The following CNTNAP2 variants were observed in gnomAD, a reference collection of about 807,000 sequenced individuals.
The protein encoded by CNTNAP2 is contactin-associated protein-like 2.
Under a neutral mutation model 155.2 loss-of-function variants are expected in CNTNAP2, and 98 were observed. The observed-to-expected ratio is 0.63, with a 90% confidence interval of 0.54 to 0.75. CNTNAP2 has a LOEUF of 0.75. Among genes scored for constraint, CNTNAP2 ranks in the 30% least tolerant of loss-of-function variants. The probability of loss-of-function intolerance (pLI) is 0.00; values close to 1 mark genes in which losing one functional copy is unlikely to be tolerated. For synonymous variants in CNTNAP2, 651 were observed against 631.2 expected, an observed-to-expected ratio of 1.03 and a Z score of -0.47; for missense variants, 1,727 against 1,688.1, an observed-to-expected ratio of 1.02 and a Z score of -0.40.
At chr7:147,791,411 A>G (rs773979642) in intron 13 of CNTNAP2, among the ~76,000 whole-genome samples, 10 of 146,022 alleles carry the variant, frequency 6.8e-5, no homozygotes, top group Non-Finnish European at 1.5e-4. Flanking sequence ...TGTTTGATAT[A>G]TATAGTCTTT....
intron 1 of CNTNAP2, among the ~76,000 whole-genome samples, chr7:146,735,598 GTA>G (rs1358489143): frequency 7.1e-6 from 1 of 140,602 alleles, no homozygotes; most frequent in East Asian, 1.9e-4. Flanking sequence ...ATATATAAAT[GTA>G]TATATTTAAA....
At chr7:147,034,152 G>A (rs992743132) in intron 3 of CNTNAP2, among the ~76,000 whole-genome samples, 5 of 152,092 alleles carry the variant, frequency 3.3e-5, no homozygotes, top group South Asian at 2.1e-4. Context: ...GGTAATTTCC[G>A]GGCATTGCCA....
chr7:148,038,777 G>C (rs1016983463), intron 15 of CNTNAP2, among the ~76,000 whole-genome samples: 2 of 143,600 alleles, frequency 1.4e-5, no homozygotes, highest in African/African-American at 2.5e-5. Context: ...TAATCCAACT[G>C]TTTTAGGCTT....
intron 1 of CNTNAP2, among the ~76,000 whole-genome samples, chr7:146,576,204 T>A (rs1798521606): frequency 1.3e-5 from 2 of 152,190 alleles, no homozygotes; most frequent in African/African-American, 4.8e-5. Flanking sequence ...GGTGATAAGA[T>A]TTGTTGGGTT....
At chr7:147,360,807 C>A (rs764103440) in intron 9 of CNTNAP2, among the ~76,000 whole-genome samples, 31 of 152,024 alleles carry the variant, frequency 2.0e-4, no homozygotes, top group Non-Finnish European at 2.6e-4. Context: ...ACTCCCCATC[C>A]CTAAATGAAA....
chr7:148,381,042 G>T (rs1799046459), intron 21 of CNTNAP2, among the ~76,000 whole-genome samples: 1 of 152,256 alleles, frequency 6.6e-6, no homozygotes, highest in African/African-American at 2.4e-5. Flanking sequence ...TCCACCCCTT[G>T]CAGGGGTAAG....
At chr7:146,752,195 TGC>T (rs1444676639) in intron 1 of CNTNAP2, among the ~76,000 whole-genome samples, 1 of 152,156 alleles carries the variant, frequency 6.6e-6, no homozygotes, top group Non-Finnish European at 1.5e-5. Context: ...CTTGAGGAAT[TGC>T]CACACTGTCT....
intron 4 of CNTNAP2, among the ~76,000 whole-genome samples, chr7:147,107,741 A>G (rs1463118412): frequency 6.6e-6 from 1 of 152,180 alleles, no homozygotes; most frequent in Non-Finnish European, 1.5e-5. Flanking sequence ...AACTTTTTGA[A>G]TAAAATATAT....
intron 9 of CNTNAP2, among the ~76,000 whole-genome samples, chr7:147,324,972 C>A (rs960939465): frequency 5.9e-5 from 9 of 152,130 alleles, no homozygotes; most frequent in African/African-American, 2.2e-4. Flanking sequence ...CAGCCTCTGA[C>A]TTTTTAAAAC....
chr7:147,154,803 G>C lies in CNTNAP2; in HGVS notation c.1348+22294G>C, dbSNP rs1043339007. On this transcript the variant is annotated intron_variant, in intron 8 of 23. Transcript: ENST00000361727. ...TAATCATTGAATGTTTAAAATACTTGAAGTACAGGTAAATATTTCTCTGAT... is the reference window on the plus strand; with the variant it reads ...TAATCATTGAATGTTTAAAATACTTCAAGTACAGGTAAATATTTCTCTGAT... 9.2e-5 allele frequency among the ~76,000 whole-genome samples: 14 copies of C among 151,646 alleles called. 1 individual carries two copies. Among genetic ancestry groups the C allele is most frequent in the Middle Eastern group, 6.8e-3 (2 of 294 alleles).
chr7:147,364,233 T>A (rs959429689), intron 9 of CNTNAP2, among the ~76,000 whole-genome samples: 1 of 152,238 alleles, frequency 6.6e-6, no homozygotes, highest in Admixed American at 6.5e-5. Flanking sequence ...AAATACTTGG[T>A]AATAAGTATT....
intron 9 of CNTNAP2, among the ~76,000 whole-genome samples, chr7:147,343,253 A>G (rs576175824): frequency 6.6e-6 from 1 of 152,220 alleles, no homozygotes; most frequent in Admixed American, 6.5e-5. Context: ...TTTTCAATAT[A>G]AAATATGGTT....
chr7:146,585,197 C>T (rs1798670174), intron 1 of CNTNAP2, among the ~76,000 whole-genome samples: 3 of 152,142 alleles, frequency 2.0e-5, no homozygotes, highest in Admixed American at 6.5e-5. Flanking sequence ...TCTCGGCTCA[C>T]TGCAACCTCT....
intron 1 of CNTNAP2, among the ~76,000 whole-genome samples, chr7:146,697,729 T>C (rs1800806267): frequency 6.6e-6 from 1 of 152,212 alleles, no homozygotes; most frequent in Non-Finnish European, 1.5e-5. Flanking sequence ...TTCTTGTTTT[T>C]AATCCACCGT....
chr7:146,391,437 T>C (rs543390345), intron 1 of CNTNAP2, among the ~76,000 whole-genome samples: 72 of 152,264 alleles, frequency 4.7e-4, no homozygotes, highest in African/African-American at 1.7e-3. Flanking sequence ...TGTGTGTTTT[T>C]TGTGGGTTTA....
At chr7:148,244,666 G>A (rs536891897) in intron 20 of CNTNAP2, among the ~76,000 whole-genome samples, 111 of 151,366 alleles carry the variant, frequency 7.3e-4, no homozygotes, top group Middle Eastern at 3.4e-3. Flanking sequence ...GGGCTCAAGC[G>A]ATCCTCCTGC....
At chr7:146,371,121 ATTATAATT>A (rs1795227722) in intron 1 of CNTNAP2, among the ~76,000 whole-genome samples, 1 of 151,952 alleles carries the variant, frequency 6.6e-6, no homozygotes, top group Non-Finnish European at 1.5e-5. Flanking sequence ...CATAATTATC[ATTATAATT>A]TTATAATTCT....
intron 18 of CNTNAP2, among the ~76,000 whole-genome samples, chr7:148,207,195 T>C (rs776415167): frequency 6.6e-5 from 10 of 152,252 alleles, no homozygotes; most frequent in African/African-American, 1.2e-4. Flanking sequence ...CAAGGAGCTA[T>C]GGGACACTTG....
chr7:147,386,008 G>A (rs894960959), intron 9 of CNTNAP2, among the ~76,000 whole-genome samples: 7 of 152,300 alleles, frequency 4.6e-5, no homozygotes, highest in African/African-American at 1.7e-4. Context: ...TGCACCCACA[G>A]GCTCAATACC....
Sources: allele counts gnomAD v4.1 joint callset (sites outside exome capture counted in the v4.1 genomes callset), GRCh38; gene constraint gnomAD v4.1.1; transcripts MANE v1.5; gene names NCBI Gene and HGNC (gene_info 2026-07-23, HGNC 2026-07-21).